Variants in MDGA2 observed in about 807,000 individuals in gnomAD.
MDGA2 encodes MAM domain-containing glycosylphosphatidylinositol anchor protein 2.
Under a neutral mutation model 117.8 loss-of-function variants are expected in MDGA2, and 40 were observed. The observed-to-expected ratio is 0.34, with a 90% CI of 0.26 to 0.44. The LOEUF is 0.44. MDGA2 is among the 20% of genes least tolerant of loss of function. MDGA2 has a pLI of 1.00. For missense variants in MDGA2, 1,123 were observed against 1,250.6 expected (o/e 0.90, Z 1.54); for synonymous variants, 452 against 439.0 (o/e 1.03, Z -0.37).
chr14:47,613,824 T>A (rs1466838870), intron 1 of MDGA2, among the ~76,000 whole-genome samples: 7 of 152,106 alleles, frequency 4.6e-5, no homozygotes, highest in Admixed American at 4.6e-4. Flanking sequence ...TATTAAAAAT[T>A]TTACCTATAC....
At chr14:47,223,331 G>A (rs1462034094) in intron 2 of MDGA2, among the ~76,000 whole-genome samples, 1 of 152,124 alleles carries the variant, frequency 6.6e-6, no homozygotes, top group Non-Finnish European at 1.5e-5. Context: ...AGGAATGAAT[G>A]AATGAATGAA....
chr14:47,286,030 CTGTG>C (rs151238015), intron 2 of MDGA2, among the ~76,000 whole-genome samples: 1 of 150,156 alleles, frequency 6.7e-6, no homozygotes, highest in Non-Finnish European at 1.5e-5. Context: ...TATTGTGTGT[CTGTG>C]TGTGTGTGTG....
chr14:47,370,265 A>ATT (rs1891316977), intron 1 of MDGA2, among the ~76,000 whole-genome samples: 5 of 151,530 alleles, frequency 3.3e-5, no homozygotes, highest in Non-Finnish European at 5.9e-5. Context: ...GAAAATAACA[A>ATT]ATAATTACAT....
chr14:47,366,170 T>A (rs1161930442), intron 1 of MDGA2, among the ~76,000 whole-genome samples: 3 of 152,144 alleles, frequency 2.0e-5, no homozygotes, highest in Non-Finnish European at 4.4e-5. Context: ...TAGCTCAAAC[T>A]TCCCCAGATG....
chr14:47,022,392 A>G lies in MDGA2; in HGVS notation c.1819+12619T>C, dbSNP rs377645467. Among the ~76,000 whole-genome samples, 33 of 152,312 alleles carry G rather than the reference A, an allele frequency of 2.2e-4. No homozygotes were observed. The South Asian group carries it at 4.3e-3, about 20-fold the overall frequency. ...CCACACCCAGCCCAAATAAATAAAC[A>G]TTGAAAATGAAATAAATGAAAAACA... On this transcript the variant is annotated intron_variant, in intron 8 of 16. Transcript: ENST00000399232.
At chr14:46,845,226 A>G (rs1262433121) in intron 16 of MDGA2, among the ~76,000 whole-genome samples, 1 of 152,036 alleles carries the variant, frequency 6.6e-6, no homozygotes, top group Middle Eastern at 3.2e-3. Context: ...TCTCTCAGCA[A>G]TTCTCCTTGC....
chr14:47,175,351 G>C (rs934273504), intron 3 of MDGA2, among the ~76,000 whole-genome samples: 1 of 151,642 alleles, frequency 6.6e-6, no homozygotes, highest in Admixed American at 6.6e-5. Context: ...AACCAAAAAA[G>C]AGAATTTTAG....
intron 10 of MDGA2, among the ~76,000 whole-genome samples, chr14:46,900,522 C>G (rs1166053438): frequency 6.6e-6 from 1 of 152,130 alleles, no homozygotes; most frequent in Non-Finnish European, 1.5e-5. Context: ...GAATACTACT[C>G]AACCATGAAA....
intron 6 of MDGA2, among the ~76,000 whole-genome samples, chr14:47,087,820 C>G (rs1305845145): frequency 7.3e-6 from 1 of 136,100 alleles, no homozygotes; most frequent in Admixed American, 7.4e-5. Flanking sequence ...AAAAAAAAAA[C>G]TACCAAGAGT....
intron 9 of MDGA2, among the ~76,000 whole-genome samples, chr14:46,922,201 T>C (rs953107010): frequency 7.2e-5 from 11 of 152,154 alleles, no homozygotes; most frequent in African/African-American, 2.4e-4. Flanking sequence ...ACCAGTGATT[T>C]CCGAATAAAA....
chr14:47,066,269 T>C (rs1202353636), intron 6 of MDGA2, among the ~76,000 whole-genome samples: 1 of 152,204 alleles, frequency 6.6e-6, no homozygotes, highest in Non-Finnish European at 1.5e-5. Context: ...TGGTACTTAA[T>C]ACTCTTTATT....
intron 2 of MDGA2, among the ~76,000 whole-genome samples, chr14:47,300,556 C>T (rs1889242632): frequency 1.3e-5 from 2 of 151,906 alleles, no homozygotes; most frequent in South Asian, 4.1e-4. Flanking sequence ...GTGGTACAAT[C>T]ATGACAACCT....
At chr14:47,409,966 A>G (rs929005397) in intron 1 of MDGA2, among the ~76,000 whole-genome samples, 1 of 152,204 alleles carries the variant, frequency 6.6e-6, no homozygotes, top group African/African-American at 2.4e-5. Context: ...TGAAGTATGT[A>G]CGATAACTGA....
At chr14:47,036,550 T>C (rs1413141270) in intron 7 of MDGA2, among the ~76,000 whole-genome samples, 4 of 152,098 alleles carry the variant, frequency 2.6e-5, no homozygotes, top group Non-Finnish European at 5.9e-5. Context: ...AGAACATCTA[T>C]CAAAAAAGCA....
At chr14:46,944,943 CT>C (rs1885120817) in intron 9 of MDGA2, among the ~76,000 whole-genome samples, 1 of 151,916 alleles carries the variant, frequency 6.6e-6, no homozygotes, top group Non-Finnish European at 1.5e-5. Flanking sequence ...TCTGGCCTAC[CT>C]TAAGGTTAGT....
chr14:47,385,091 A>G (rs1477283829), intron 1 of MDGA2, among the ~76,000 whole-genome samples: 1 of 152,198 alleles, frequency 6.6e-6, no homozygotes, highest in African/African-American at 2.4e-5. Context: ...CTAGTTGAAC[A>G]TAATACTGAC....
intron 1 of MDGA2, among the ~76,000 whole-genome samples, chr14:47,331,701 G>A (rs1190755927): frequency 1.3e-5 from 2 of 151,896 alleles, no homozygotes; most frequent in African/African-American, 4.8e-5. Context: ...CTAAGGGAAA[G>A]AGAAGCTTAT....
intron 8 of MDGA2, among the ~76,000 whole-genome samples, chr14:46,963,691 T>A (rs996634865): frequency 1.3e-5 from 2 of 152,226 alleles, no homozygotes; most frequent in African/African-American, 4.8e-5. Flanking sequence ...GTAAAGTAAC[T>A]TCTCCCTTGG....
intron 1 of MDGA2, among the ~76,000 whole-genome samples, chr14:47,371,326 A>G (rs1325843524): frequency 6.6e-6 from 1 of 151,842 alleles, no homozygotes; most frequent in East Asian, 1.9e-4. Flanking sequence ...TTTAAAACCT[A>G]AAGTACTACT....
Sources: gnomAD v4.1 joint callset for allele counts (sites outside exome capture counted in the v4.1 genomes callset) on GRCh38, gnomAD v4.1.1 for gene constraint, MANE v1.5 for transcripts, NCBI Gene and HGNC (gene_info 2026-07-23, HGNC 2026-07-21) for gene names.